The following ZFR2 variants were observed in gnomAD, a reference collection of about 807,000 sequenced individuals.
ZFR2 encodes the protein zinc finger RNA-binding protein 2.
In ZFR2, 104 loss-of-function variants were observed where a neutral mutation model predicts 105.7. The ratio of observed to expected loss-of-function variants is 0.98; its 90% CI spans 0.84 to 1.16. The LOEUF is 1.16. ZFR2 is among the 50% of genes most tolerant of loss of function. ZFR2 has a pLI of 0.00. For missense variants in ZFR2, 1,425 were observed against 1,355.5 expected, an observed-to-expected ratio of 1.05 and a Z score of -0.80; for synonymous variants, 634 against 597.7, an observed-to-expected ratio of 1.06 and a Z score of -0.89.
Position 3,831,946 on chromosome 19 carries a change from C to A in ZFR2, c.380-68G>T. The A allele has an allele frequency of 2.2e-6, 3 of 1,334,792 alleles. No homozygotes were observed. The South Asian group carries it at 4.5e-5, about 20-fold the overall frequency. 82.7% of individuals were successfully genotyped at this position (1,334,792 alleles called of 1,614,324 possible). Reference sequence around the variant, plus strand: ...CCACTGTCCCTCACCTGCAGATGGGCCCTGGACTCAACTGGCTGGAACACG... The same window carrying A: ...CCACTGTCCCTCACCTGCAGATGGGACCTGGACTCAACTGGCTGGAACACG... On this transcript the variant is annotated intron_variant, in intron 3 of 18. Transcript: ENST00000262961.
chr19:3,860,925 C>G (rs1451466091), intron 1 of ZFR2, among the ~76,000 whole-genome samples: 1 of 152,146 alleles, frequency 6.6e-6, no homozygotes, highest in African/African-American at 2.4e-5. Context: ...CCCAGGTTCT[C>G]ATGAGCAACC....
intron 1 of ZFR2, among the ~76,000 whole-genome samples, chr19:3,854,089 A>G (rs1453040052): frequency 6.7e-6 from 1 of 149,852 alleles, no homozygotes; most frequent in Admixed American, 6.6e-5. Context: ...GTCTCAAAAA[A>G]ACCACTGTGC....
Position 3,808,190 on chromosome 19 carries a change from C to T in ZFR2, c.2545+682G>A, listed in dbSNP as rs193013703. On this transcript the variant is annotated intron_variant, in intron 17 of 18. Transcript: ENST00000262961. ...GTGTGTGCCTGTGCGTGTGCATGCA[C>T]GTGCCTGTGTATGTGCGTGTGTGCC... Among the ~76,000 whole-genome samples, 618 of 123,002 alleles carry T rather than the reference C, an allele frequency of 5.0e-3. 3 individuals carry two copies. Among genetic ancestry groups the T allele is most frequent in the Non-Finnish European group, 6.9e-3 (396 of 57,442 alleles). The allele number at this position is 123,002 out of a possible 152,430, so 80.7% of individuals were successfully genotyped here. A position where few individuals can be genotyped will look rare whatever the true frequency, so the allele number is the denominator to read the frequency against.
At chr19:3,837,673 C>T (rs532973343) in intron 1 of ZFR2, among the ~76,000 whole-genome samples, 3 of 151,668 alleles carry the variant, frequency 2.0e-5, no homozygotes, top group East Asian at 1.9e-4. Flanking sequence ...CCGTGACACT[C>T]GATGAACACT....
rs537628120 is a variant in ZFR2, at chr19:3,807,371, C to T, written c.2546-102G>A. On this transcript the variant is annotated intron_variant, in intron 17 of 18. Transcript: ENST00000262961. ...CACCGTGGGGCCTCAGGGGCCCGTG[C>T]ATGGGGCTATACTTGCAGCCGTGGC... The T allele has an allele frequency of 2.0e-4, 163 of 816,582 alleles. No individual in the cohort carries two copies. In the African/African-American group the frequency reaches 2.5e-3, roughly 12 times the overall value. 50.6% of individuals were successfully genotyped at this position (816,582 alleles called of 1,614,324 possible).
chr19:3,843,203 G>A (rs1034556484), intron 1 of ZFR2, among the ~76,000 whole-genome samples: 7 of 152,068 alleles, frequency 4.6e-5, no homozygotes, highest in African/African-American at 1.7e-4. Flanking sequence ...GGGCGCGGTG[G>A]CTCACGCCTG....
intron 5 of ZFR2, among the ~76,000 whole-genome samples, chr19:3,830,425 G>C (rs61683581): frequency 0.011 from 1,623 of 152,312 alleles, 31 homozygotes; most frequent in African/African-American, 0.036. Flanking sequence ...AACAGAGCGA[G>C]ACTTTGTCTC....
At chr19:3,829,244 G>T (rs749958260) in intron 5 of ZFR2, among the ~76,000 whole-genome samples, 1 of 151,884 alleles carries the variant, frequency 6.6e-6, no homozygotes, top group Non-Finnish European at 1.5e-5. Flanking sequence ...TTACAGGTGT[G>T]AGCTACCACG....
In ZFR2 at chr19:3,813,670, G is replaced by T; in HGVS notation, c.2242+150C>A. ...AGACCCAGCTCTTGTGTGACCCATG[G>T]AATCCTCAGGGGGACAGCAGTGCTG... On this transcript the variant is annotated intron_variant, in intron 14 of 18. Coordinates refer to ENST00000262961, the MANE Select transcript of ZFR2 (RefSeq NM_015174.2). This position sits in a 1 kb window ranked among gnomAD's most constrained non-coding sequence, Gnocchi z 4.4. 8.6e-7 allele frequency: 1 copy of T among 1,160,562 alleles called. No homozygotes were observed. The highest frequency in any genetic ancestry group is 1.2e-6 in the Non-Finnish European group (1 of 833,032). The allele number at this position is 1,160,562 out of a possible 1,614,324, so 71.9% of individuals were successfully genotyped here. A position where few individuals can be genotyped will look rare whatever the true frequency, so the allele number is the denominator to read the frequency against.
intron 3 of ZFR2, 100 bp from the exon 4 acceptor site, chr19:3,831,978 G>T: frequency 9.5e-7 from 1 of 1,048,406 alleles, no homozygotes; most frequent in Non-Finnish European, 1.3e-6. Context: ...CACGCTAGAT[G>T]CTTAAGCCAG....
chr19:3,855,454 C>A (rs2038286679), intron 1 of ZFR2: 1 of 1,231,676 alleles, frequency 8.1e-7, no homozygotes, highest in Non-Finnish European at 1.0e-6. Context: ...TTCATTGAGT[C>A]ATTGGATAAA....
At chr19:3,819,852 C>CAAAAGAAAAAA (rs373530026) in intron 11 of ZFR2, among the ~76,000 whole-genome samples, 1 of 138,658 alleles carries the variant, frequency 7.2e-6, no homozygotes, top group Non-Finnish European at 1.6e-5. Context: ...GACTCTGTCT[C>CAAAAGAAAAAA]AAAAAAAAAT....
intron 5 of ZFR2, 26 bp from the exon 6 acceptor site, chr19:3,827,679 TG>T: frequency 6.4e-7 from 1 of 1,562,582 alleles, no homozygotes; most frequent in Non-Finnish European, 8.7e-7. Flanking sequence ...AGAGGCAGCC[TG>T]GGCGGGGGTT....
intron 1 of ZFR2, among the ~76,000 whole-genome samples, chr19:3,835,485 C>T (rs12461841): frequency 0.2 from 21,377 of 108,068 alleles, 1,873 homozygotes; most frequent in East Asian, 0.36. Flanking sequence ...ACCACCACGC[C>T]CAGCCTTTTT....
chr19:3,824,329 A>G (rs895827802), intron 7 of ZFR2, among the ~76,000 whole-genome samples: 1 of 152,170 alleles, frequency 6.6e-6, no homozygotes, highest in Non-Finnish European at 1.5e-5. Context: ...CCACGAAAAA[A>G]GAGTTGTCGT....
At chr19:3,837,963 ACAAT>A (rs1414553631) in intron 1 of ZFR2, among the ~76,000 whole-genome samples, 1 of 151,774 alleles carries the variant, frequency 6.6e-6, no homozygotes, top group Non-Finnish European at 1.5e-5. Flanking sequence ...TATGACTGTG[ACAAT>A]CAATGGACAC....
intron 2 of ZFR2, 87 bp from the exon 3 acceptor site, chr19:3,833,865 T>G: frequency 9.8e-7 from 1 of 1,017,530 alleles, no homozygotes. Context: ...CACACTGCAC[T>G]CTGCACTTAG....
intron 1 of ZFR2, among the ~76,000 whole-genome samples, chr19:3,861,928 AAAT>A (rs1288800959): frequency 4.6e-5 from 7 of 152,140 alleles, no homozygotes; most frequent in Admixed American, 3.3e-4. Flanking sequence ...CCTGTCTCAA[AAAT>A]AATAATAATA....
At position 3,825,357 on chromosome 19, in the gene ZFR2, A is replaced by G; in HGVS notation, c.1086T>C (p.Pro362=). ...KLGKPIPTLE[P]ALATESPPGA... is the part of the protein sequence containing the mutation. ...CGGGGGGGCTCTCTGTGGCCAGTGC[A>G]GGCTCGAGGGTGGGAATGGGCTTCC... The change falls in exon 7 of 19, where the codon CCT becomes CCC. Residue 362 remains proline (P), a synonymous_variant. Coordinates refer to ENST00000262961, the MANE Select transcript of ZFR2 (RefSeq NM_015174.2). The G allele has an allele frequency of 6.3e-7, 1 of 1,592,020 alleles. No homozygotes were observed. Among genetic ancestry groups the G allele is most frequent in the African/African-American group, 1.3e-5 (1 of 74,450 alleles).
Sources: gnomAD v4.1 joint callset for allele counts (sites outside exome capture counted in the v4.1 genomes callset) on GRCh38, gnomAD v4.1.1 for gene constraint, Gnocchi (gnomAD v3.1) non-coding constraint, MANE v1.5 for transcripts, NCBI Gene and HGNC (gene_info 2026-07-23, HGNC 2026-07-21) for gene names.